Variants in TPO observed in about 807,000 individuals in gnomAD.
TPO encodes thyroid peroxidase.
A neutral mutation model predicts 96.9 loss-of-function variants in TPO; 78 were observed. The observed-to-expected ratio is 0.81, with a 90% CI of 0.67 to 0.97. TPO has a LOEUF of 0.97. Ranked by LOEUF, TPO falls within the 50% of genes least tolerant of loss-of-function variation. TPO has a pLI of 0.00. For missense variants in TPO, 1,252 were observed against 1,274.8 expected (o/e 0.98, Z 0.27); for synonymous variants, 547 against 538.0 (o/e 1.02, Z -0.23).
At chr2:1,521,372 G>A (rs963344757) in intron 15 of TPO, among the ~76,000 whole-genome samples, 14 of 152,092 alleles carry the variant, frequency 9.2e-5, no homozygotes, top group Non-Finnish European at 1.8e-4. Flanking sequence ...ATTCATAAGC[G>A]TGCTGGAGGG....
chr2:1,429,294 C>G (rs1664746234), intron 3 of TPO, among the ~76,000 whole-genome samples: 1 of 152,134 alleles, frequency 6.6e-6, no homozygotes, highest in African/African-American at 2.4e-5. Context: ...TCATGAGGCC[C>G]TCACCAGAAG....
chr2:1,503,573 C>T (rs1259870172), intron 13 of TPO, among the ~76,000 whole-genome samples: 1 of 152,130 alleles, frequency 6.6e-6, no homozygotes, highest in Non-Finnish European at 1.5e-5. Flanking sequence ...GAGCATCTGC[C>T]TGGGCGAAGC....
chr2:1,492,560 T>A (rs1464320425), intron 10 of TPO, among the ~76,000 whole-genome samples: 1 of 152,194 alleles, frequency 6.6e-6, no homozygotes, highest in Non-Finnish European at 1.5e-5. Context: ...GCTCCATGAG[T>A]CTGTTTACCA....
rs558830252 is a variant in TPO at position 1,542,277 on chromosome 2, C to T, written c.2749-144C>T. The T allele has an allele frequency of 7.5e-5, 86 of 1,152,490 alleles. No homozygotes were observed. In the Middle Eastern group the frequency reaches 1.1e-3, roughly 15 times the overall value. 71.4% of individuals were successfully genotyped at this position (1,152,490 alleles called of 1,614,324 possible). A position where few individuals can be genotyped will look rare whatever the true frequency, so the allele number is the denominator to read the frequency against. On this transcript the variant is annotated intron_variant, in intron 16 of 16. Coordinates refer to ENST00000329066, the MANE Select transcript of TPO (RefSeq NM_001206744.2). ...AGCCAGAAACTTCCCTCCAGCATGA[C>T]AAGCAAGAAGGATGGCTCATCTCGC...
rs376298776 is a variant in TPO at position 1,539,565 on chromosome 2, A to C, written c.2619-1029A>C. Among the ~76,000 whole-genome samples, 571 of 152,208 alleles carry C rather than the reference A, an allele frequency of 3.8e-3. 5 individuals carry two copies. Among genetic ancestry groups the C allele is most frequent in the African/African-American group, 0.013 (529 of 41,534 alleles). ...CATGTACACCTAGGTCGGAGTCCGC[A>C]AGGGTGGGGCGGTGACGGTGCACTG... On this transcript the variant is annotated intron_variant, in intron 15 of 16. Transcript: ENST00000329066.
Position 1,469,948 on chromosome 2 carries a change from G to T in TPO, c.820-7138G>T, listed in dbSNP as rs565353992. ...TGAACCTCCACACACTGCTCTGTTT[G>T]TCCAAGTGAGAGCTGAAACCTAGTC... On this transcript the variant is annotated intron_variant, in intron 7 of 16. Transcript: ENST00000329066. Among the ~76,000 whole-genome samples, 5 of 152,298 alleles carry T rather than the reference G, an allele frequency of 3.3e-5. No individual in the cohort carries two copies. The East Asian group carries it at 9.6e-4, about 29-fold the overall frequency.
chr2:1,480,840 G>GCTGCATCCGTCCACACCACCTCCC (rs1670562022), intron 8 of TPO, among the ~76,000 whole-genome samples: 1 of 135,400 alleles, frequency 7.4e-6, no homozygotes, highest in Non-Finnish European at 1.7e-5. Flanking sequence ...TGCTGCGTCT[G>GCTGCATCCGTCCACACCACCTCCC]TCCTCACCAT....
At chr2:1,430,290 G>A (rs150114824) in intron 3 of TPO, among the ~76,000 whole-genome samples, 218 of 152,322 alleles carry the variant, frequency 1.4e-3, no homozygotes, top group African/African-American at 4.9e-3. Context: ...AGTCCAAGCC[G>A]TAAGTGTCTA....
At position 1,535,019 on chromosome 2, in the gene TPO, ACAACCTCCCCAAATCCCCCCCACTGTGTG is replaced by A. The variant is rs576912667; in HGVS notation, c.2619-5559_2619-5531del. On this transcript the variant is annotated intron_variant, in intron 15 of 16. Coordinates refer to ENST00000329066, the MANE Select transcript of TPO (RefSeq NM_001206744.2). ...TTTCCCTAAATCGCCGCAAGTGTGT[ACAACCTCCCCAAATCCCCCCCACTGTGTG>A]CAACCTCCCCAAATCTCCCCCACTC... Among the ~76,000 whole-genome samples, 19 of 99,684 alleles carry A rather than the reference ACAACCTCCCCAAATCCCCCCCACTGTGTG, an allele frequency of 1.9e-4. 2 individuals are homozygous for A. In the East Asian group the frequency reaches 7.3e-3, roughly 38 times the overall value. The allele number at this position is 99,684 out of a possible 152,430, so 65.4% of individuals were successfully genotyped here.
rs187672285 is a variant in TPO at position 1,392,691 on chromosome 2, G to A, written n.180+18289G>A. Reference sequence around the variant, plus strand: ...TTCAGAGCCTGTTATTGGTCTGTTCGGAGACTCAACTTCTTCCTGGTTTAG... The same window carrying A: ...TTCAGAGCCTGTTATTGGTCTGTTCAGAGACTCAACTTCTTCCTGGTTTAG... On this transcript the variant is annotated intron_variant and non_coding_transcript_variant, in intron 1 of 5. Transcript: ENST00000497517. Among the ~76,000 whole-genome samples the A allele has an allele frequency of 2.0e-3, 302 of 152,188 alleles. 1 individual carries two copies. Among genetic ancestry groups the A allele is most frequent in the Non-Finnish European group, 3.4e-3 (234 of 68,002 alleles).
intron 5 of TPO, among the ~76,000 whole-genome samples, chr2:1,442,286 G>T (rs1401578980): frequency 6.6e-6 from 1 of 152,176 alleles, no homozygotes; most frequent in Non-Finnish European, 1.5e-5. Context: ...TGCAATCAGG[G>T]TGGAATTACT....
intron 10 of TPO, among the ~76,000 whole-genome samples, chr2:1,488,688 C>T (rs1671407395): frequency 6.6e-6 from 1 of 152,190 alleles, no homozygotes; most frequent in Non-Finnish European, 1.5e-5. Flanking sequence ...CTGTTCTCTC[C>T]ACGTACCCTG....
intron 13 of TPO, among the ~76,000 whole-genome samples, chr2:1,500,291 T>C (rs1672744859): frequency 1.3e-5 from 2 of 152,202 alleles, no homozygotes; most frequent in Non-Finnish European, 2.9e-5. Flanking sequence ...CCTTCATCAA[T>C]ACAACTCTTT....
At chr2:1,427,731 G>A (rs1049234560) in intron 3 of TPO, among the ~76,000 whole-genome samples, 3 of 152,202 alleles carry the variant, frequency 2.0e-5, no homozygotes, top group Non-Finnish European at 4.4e-5. Flanking sequence ...ATCAGTCTCA[G>A]TTGCTCACCC....
chr2:1,439,706 CT>C (rs888349187), intron 5 of TPO, among the ~76,000 whole-genome samples: 1 of 152,132 alleles, frequency 6.6e-6, no homozygotes, highest in Non-Finnish European at 1.5e-5. Context: ...GAGACTCCCC[CT>C]CTCCCCCTCA....
In TPO at chr2:1,542,436, G is replaced by T. The variant is rs1193953273; in HGVS notation, c.2764G>T (p.Glu922Ter). ...ATTTTTGCAGGAGAGTGCTGGGATG[G>T]AAGGCCGGGATACTCACAGGCTGCC... ...QDSEQESAGM[E>*]GRDTHRLPRA... Residue 922 changes from glutamate to a stop codon, truncating the protein, a stop_gained, in exon 17 of 17, where the codon GAA (glutamate) becomes TAA (stop). Coordinates refer to ENST00000329066, the MANE Select transcript of TPO (RefSeq NM_001206744.2). LOFTEE classifies it low-confidence loss of function (END_TRUNC). 1 of 1,614,198 alleles carries T rather than the reference G, an allele frequency of 6.2e-7. No individual in the cohort carries two copies. Among genetic ancestry groups the T allele is most frequent in the Admixed American group, 1.7e-5 (1 of 60,030 alleles).
intron 1 of TPO, among the ~76,000 whole-genome samples, chr2:1,386,160 G>A (rs1037714634): frequency 3.9e-5 from 6 of 152,198 alleles, no homozygotes; most frequent in South Asian, 2.1e-4. Context: ...GAATAGGTGC[G>A]GGTGTGGTGT....
intron 15 of TPO, among the ~76,000 whole-genome samples, chr2:1,518,044 C>T (rs182580001): frequency 6.6e-6 from 1 of 152,228 alleles, no homozygotes; most frequent in African/African-American, 2.4e-5. Flanking sequence ...GCCTTCAGAG[C>T]TCCTCACTGG....
At chr2:1,532,168 G>C (rs553527009) in intron 15 of TPO, among the ~76,000 whole-genome samples, 3 of 70,568 alleles carry the variant, frequency 4.3e-5, no homozygotes, top group East Asian at 4.1e-4. Flanking sequence ...CTACACAAAT[G>C]CCCCCCACAG....
Sources: allele counts gnomAD v4.1 joint callset (sites outside exome capture counted in the v4.1 genomes callset), GRCh38; gene constraint gnomAD v4.1.1; transcripts MANE v1.5; gene names NCBI Gene and HGNC (gene_info 2026-07-23, HGNC 2026-07-21).